The following BMP7 variants were observed in gnomAD, a reference collection of about 807,000 sequenced individuals.
The protein encoded by BMP7 is osteogenic protein 1.
A neutral mutation model predicts 41.2 loss-of-function variants in BMP7; 12 were observed. The observed-to-expected ratio is 0.29, with a 90% CI of 0.19 to 0.47. BMP7 has a LOEUF of 0.47. Ranked by LOEUF, BMP7 falls within the 20% of genes least tolerant of loss-of-function variation. The pLI is 0.99. For missense variants in BMP7, 467 were observed against 606.0 expected (o/e 0.77, Z 2.41); for synonymous variants, 248 against 250.0 (o/e 0.99, Z 0.07).
intron 1 of BMP7, among the ~76,000 whole-genome samples, chr20:57,257,434 A>C (rs1409628033): frequency 2.0e-5 from 3 of 152,238 alleles, no homozygotes; most frequent in African/African-American, 7.2e-5. Flanking sequence ...GTTAACAATT[A>C]AAATTAAAAT....
In BMP7 at chr20:57,174,864, A is replaced by G. The variant is rs1173609349; in HGVS notation, c.1035+67T>C. 1 of 1,503,130 alleles carries G rather than the reference A, an allele frequency of 6.7e-7. No homozygotes were observed. Among genetic ancestry groups the G allele is most frequent in the Non-Finnish European group, 9.1e-7 (1 of 1,103,146 alleles). The allele number at this position is 1,503,130 out of a possible 1,614,324, so 93.1% of individuals were successfully genotyped here. A position where few individuals can be genotyped will look rare whatever the true frequency, so the allele number is the denominator to read the frequency against. ...AGATGAGAAACAAGACTGAGCACAG[A>G]CCCGCTGCCTCGTGGGAGCCCACGC... On this transcript the variant is annotated intron_variant, in intron 5 of 6. Transcript: ENST00000395863. This position sits in a 1 kb window ranked among gnomAD's most constrained non-coding sequence, Gnocchi z 4.3.
At chr20:57,185,566 G>A (rs963967116) in intron 3 of BMP7, among the ~76,000 whole-genome samples, 7 of 152,212 alleles carry the variant, frequency 4.6e-5, no homozygotes, top group African/African-American at 7.2e-5. Context: ...ATGCAGTTTC[G>A]TTTAGCAGAT....
rs1344682059 is a variant in BMP7, at chr20:57,266,117, G to C, written c.6C>G (p.His2Gln). 1.3e-6 allele frequency: 2 copies of C among 1,532,068 alleles called. No individual in the cohort carries two copies. Among genetic ancestry groups the C allele is most frequent in the Non-Finnish European group, 1.7e-6 (2 of 1,144,632 alleles). 94.9% of individuals were successfully genotyped at this position (1,532,068 alleles called of 1,614,324 possible). A position where few individuals can be genotyped will look rare whatever the true frequency, so the allele number is the denominator to read the frequency against. ...GCGCCGCAGCTCGCAGTGAGCGCAC[G>C]TGCATCGCGCCGGCTCTACGCGCTA... M[H>Q]VRSLRAAAPH... is the part of the protein sequence containing the mutation. Residue 2 changes from histidine to glutamine, a missense_variant, in exon 1 of 7, where the codon CAC becomes CAG. Around this residue, in one of 2 missense-constraint regions of BMP7, gnomAD observed 407 missense variants for 485.9 expected, o/e 0.84. Coordinates refer to ENST00000395863, the MANE Select transcript of BMP7 (RefSeq NM_001719.3).
At chr20:57,173,162 G>A (rs1983848249) in intron 6 of BMP7, 38 bp downstream of exon 6, 1 of 1,593,492 alleles carries the variant, frequency 6.3e-7, no homozygotes, top group Non-Finnish European at 8.6e-7. Context: ...AGCCTGCCCG[G>A]CCCAGGTGAC....
At chr20:57,242,892 A>G (rs2066075221) in intron 1 of BMP7, among the ~76,000 whole-genome samples, 2 of 152,274 alleles carry the variant, frequency 1.3e-5, no homozygotes, top group Middle Eastern at 3.4e-3. Flanking sequence ...AATCCCAGAT[A>G]CTCGGGAGGC....
Position 57,174,958 on chromosome 20 carries a change from A to G in BMP7, c.1008T>C (p.Tyr336=). The change falls in exon 5 of 7, where the codon TAT becomes TAC. Residue 336 remains tyrosine, a synonymous_variant. Coordinates refer to ENST00000395863, the MANE Select transcript of BMP7 (RefSeq NM_001719.3). This position sits in a 1 kb window ranked among gnomAD's most constrained non-coding sequence, Gnocchi z 4.3. Reference sequence around the variant, plus strand: ...GCCAGCCCAGGTCTCGGAAGCTGACATACAGCTCGTGCTTCTTACAGGCCT... The same window carrying G: ...GCCAGCCCAGGTCTCGGAAGCTGACGTACAGCTCGTGCTTCTTACAGGCCT... ...QRQACKKHEL[Y]VSFRDLGWQD... The G allele has an allele frequency of 1.9e-6, 3 of 1,612,444 alleles. No individual in the cohort carries two copies. The highest frequency in any genetic ancestry group is 2.5e-6 in the Non-Finnish European group (3 of 1,179,896).
At position 57,265,170 on chromosome 20, in the gene BMP7, G is replaced by A. The variant is rs146014989; in HGVS notation, c.418+535C>T. Among the ~76,000 whole-genome samples the A allele has an allele frequency of 8.2e-3, 1,247 of 152,380 alleles. 13 individuals carry two copies. The highest frequency in any genetic ancestry group is 0.029 in the African/African-American group (1,191 of 41,592). On this transcript the variant is annotated intron_variant, in intron 1 of 6. Transcript: ENST00000395863. ...GAGAGAATGGGGCATCCGGCGGCCC[G>A]GAGAGGGGCCCCAAGGCGCTCGGAG...
At position 57,228,779 on chromosome 20, in the gene BMP7, G is replaced by A. The variant is rs967922421; in HGVS notation, c.419-358C>T. On this transcript the variant is annotated intron_variant, in intron 1 of 6. Transcript: ENST00000395863. This position sits in a 1 kb window ranked among gnomAD's most constrained non-coding sequence, Gnocchi z 4.5. ...GCCACTAACCAACAGAGTGGCCCTA[G>A]ATAAGGTAACAGAAAACCTCTATGG... 6.6e-6 allele frequency among the ~76,000 whole-genome samples: 1 copy of A among 152,232 alleles called. No individual in the cohort carries two copies. Among genetic ancestry groups the A allele is most frequent in the Admixed American group, 6.5e-5 (1 of 15,282 alleles).
At chr20:57,172,122 G>C (rs1983827999) in intron 6 of BMP7, among the ~76,000 whole-genome samples, 1 of 152,178 alleles carries the variant, frequency 6.6e-6, no homozygotes, top group Admixed American at 6.5e-5. Flanking sequence ...ATGAAGGCAG[G>C]GGTTGGAGAA....
intron 3 of BMP7, among the ~76,000 whole-genome samples, chr20:57,185,827 C>T (rs760542092): frequency 1.1e-4 from 16 of 151,530 alleles, no homozygotes; most frequent in Admixed American, 5.3e-4. Flanking sequence ...ACCCTAAGTA[C>T]TCAATAAATG....
In BMP7 at chr20:57,261,767, C is replaced by T. The variant is rs2066155193; in HGVS notation, c.418+3938G>A. ...CAAGCCAGGTTACAGCTGCAAATGC[C>T]TGCAGTCCACGCTCCCCTTTGCGAA... On this transcript the variant is annotated intron_variant, in intron 1 of 6. Coordinates refer to ENST00000395863, the MANE Select transcript of BMP7 (RefSeq NM_001719.3). The surrounding 1 kb of genome is among the most constrained non-coding windows in gnomAD (Gnocchi z 4.1). Among the ~76,000 whole-genome samples the T allele has an allele frequency of 1.3e-5, 2 of 152,208 alleles. No homozygotes were observed. Among genetic ancestry groups the T allele is most frequent in the South Asian group, 4.1e-4 (2 of 4,828 alleles).
At chr20:57,234,903 A>C (rs2066041982) in intron 1 of BMP7, among the ~76,000 whole-genome samples, 1 of 152,268 alleles carries the variant, frequency 6.6e-6, no homozygotes, top group African/African-American at 2.4e-5. Context: ...TTGATAACGT[A>C]CACACAGTAA....
At chr20:57,179,262 G>A (rs1379007532) in intron 4 of BMP7, among the ~76,000 whole-genome samples, 1 of 152,194 alleles carries the variant, frequency 6.6e-6, no homozygotes, top group Admixed American at 6.5e-5. Flanking sequence ...GTCCGTCCAA[G>A]CCTGCCCCAC....
At chr20:57,212,421 G>A (rs1984913922) in intron 2 of BMP7, among the ~76,000 whole-genome samples, 1 of 152,192 alleles carries the variant, frequency 6.6e-6, no homozygotes, top group Non-Finnish European at 1.5e-5. Flanking sequence ...GGAGTTCTAA[G>A]CAGGAGTGGA....
chr20:57,262,768 A>G (rs1042274934), intron 1 of BMP7, among the ~76,000 whole-genome samples: 8 of 152,136 alleles, frequency 5.3e-5, no homozygotes, highest in African/African-American at 1.9e-4. Flanking sequence ...TAATAGTTTG[A>G]TATGTGCAAG....
At chr20:57,185,215 A>T (rs1984182073) in intron 3 of BMP7, among the ~76,000 whole-genome samples, 1 of 152,218 alleles carries the variant, frequency 6.6e-6, no homozygotes, top group African/African-American at 2.4e-5. Context: ...GTTCATTTTT[A>T]AAATCTTTAG....
Position 57,171,207 on chromosome 20 carries a change from G to T in BMP7, c.1147-99C>A, listed in dbSNP as rs1983809665. 6.5e-7 allele frequency: 1 copy of T among 1,538,182 alleles called. No individual in the cohort carries two copies. On this transcript the variant is annotated intron_variant, in intron 6 of 6. Coordinates refer to ENST00000395863, the MANE Select transcript of BMP7 (RefSeq NM_001719.3). The surrounding 1 kb of genome is among the most constrained non-coding windows in gnomAD (Gnocchi z 4.5). ...AAGAAACATCCTGTCTGGGCATAATGAATGACTGCAGGTGACACTCCCCAA... is the reference window on the plus strand; with the variant it reads ...AAGAAACATCCTGTCTGGGCATAATTAATGACTGCAGGTGACACTCCCCAA...
At chr20:57,218,179 C>T (rs938570986) in intron 2 of BMP7, among the ~76,000 whole-genome samples, 1 of 152,250 alleles carries the variant, frequency 6.6e-6, no homozygotes, top group African/African-American at 2.4e-5. Context: ...ATTTTTGACA[C>T]ATTTTCATTT....
intron 2 of BMP7, among the ~76,000 whole-genome samples, chr20:57,206,955 A>C (rs1984746287): frequency 6.6e-6 from 1 of 152,218 alleles, no homozygotes; most frequent in Non-Finnish European, 1.5e-5. Flanking sequence ...TTGTCAGAAA[A>C]GTGTCCTATG....
Sources: gnomAD v4.1 joint callset for allele counts (sites outside exome capture counted in the v4.1 genomes callset) on GRCh38, gnomAD v4.1.1 for gene constraint, gnomAD v4.1.1 regional missense constraint, Gnocchi (gnomAD v3.1) non-coding constraint, MANE v1.5 for transcripts, NCBI Gene and HGNC (gene_info 2026-07-23, HGNC 2026-07-21) for gene names.